The following EML6 variants were observed in gnomAD, a reference collection of about 807,000 sequenced individuals.
The protein encoded by EML6 is echinoderm microtubule-associated protein-like 6.
Under a neutral mutation model 240.1 loss-of-function variants are expected in EML6, and 154 were observed. That is an observed-to-expected ratio of 0.64 (90% confidence interval 0.56 to 0.73). EML6 has a LOEUF of 0.73. EML6 is among the 30% of genes least tolerant of loss of function. The pLI, the probability that EML6 is intolerant of heterozygous loss-of-function variation, is 0.00. For synonymous variants in EML6, 1,148 were observed against 899.0 expected, an observed-to-expected ratio of 1.28 and a Z score of -4.95; for missense variants, 2,964 against 2,474.6, an observed-to-expected ratio of 1.20 and a Z score of -4.20.
Position 54,958,042 on chromosome 2 carries a change from C to CTGGGCA in EML6, c.4695+63_4695+68dup, listed in dbSNP as rs779810453. On this transcript the variant is annotated intron_variant, in intron 33 of 41. Coordinates refer to ENST00000356458, the MANE Select transcript of EML6 (RefSeq NM_001039753.4). ...TCCCTGAGAAGGGGACCCAGACCCC[C>CTGGGCA]TGGGCATGGGCATGGGCATGGGCAG... 908 of 1,501,166 alleles carry CTGGGCA rather than the reference C, an allele frequency of 6.0e-4. 10 individuals carry two copies. The South Asian group carries it at 7.3e-3, about 12-fold the overall frequency. 93.0% of individuals were successfully genotyped at this position (1,501,166 alleles called of 1,614,324 possible).
chr2:54,790,169 G>A (rs899798174), intron 2 of EML6, among the ~76,000 whole-genome samples: 1 of 152,214 alleles, frequency 6.6e-6, no homozygotes, highest in African/African-American at 2.4e-5. Flanking sequence ...TTTTATAAGA[G>A]AGATTGAATA....
intron 2 of EML6, among the ~76,000 whole-genome samples, chr2:54,777,012 C>G (rs570173227): frequency 6.6e-6 from 1 of 151,912 alleles, no homozygotes; most frequent in Non-Finnish European, 1.5e-5. Flanking sequence ...TATTTTATTC[C>G]GTTTCATTAG....
chr2:54,804,755 A>G (rs767307157), intron 2 of EML6, among the ~76,000 whole-genome samples: 8 of 152,212 alleles, frequency 5.3e-5, no homozygotes, highest in Non-Finnish European at 1.0e-4. Context: ...CTACTTTTCA[A>G]AGGAACACTT....
intron 28 of EML6, among the ~76,000 whole-genome samples, chr2:54,940,728 G>A (rs111945580): frequency 1.3e-5 from 2 of 152,206 alleles, no homozygotes; most frequent in African/African-American, 4.8e-5. Context: ...GTCTTTGTGG[G>A]AAATGATGTG....
At chr2:54,731,245 A>G (rs921854111) in intron 2 of EML6, among the ~76,000 whole-genome samples, 13 of 152,190 alleles carry the variant, frequency 8.5e-5, no homozygotes, top group African/African-American at 2.9e-4. Flanking sequence ...TTAATGCCTC[A>G]TGGGTTTTGG....
intron 2 of EML6, among the ~76,000 whole-genome samples, chr2:54,736,766 T>C (rs1683414284): frequency 6.6e-6 from 1 of 152,184 alleles, no homozygotes; most frequent in South Asian, 2.1e-4. Context: ...TTACCTCCCC[T>C]GCCCTTTGCC....
chr2:54,964,949 AAG>A lies in EML6; in HGVS notation c.5493+219_5493+220del, dbSNP rs1431369464. ...GGAGGAAATAGAATTTAAAATAATAAAGAGTAAGAAAAACAGGAAACACAAGC... is the reference window on the plus strand; with the variant it reads ...GGAGGAAATAGAATTTAAAATAATAAAGTAAGAAAAACAGGAAACACAAGC... On this transcript the variant is annotated intron_variant, in intron 38 of 41. Coordinates refer to ENST00000356458, the MANE Select transcript of EML6 (RefSeq NM_001039753.4). Among the ~76,000 whole-genome samples, 4 of 152,358 alleles carry A rather than the reference AAG, an allele frequency of 2.6e-5. No homozygotes were observed. In the South Asian group the frequency reaches 8.3e-4, roughly 32 times the overall value.
chr2:54,858,204 C>T (rs995288508), intron 11 of EML6, among the ~76,000 whole-genome samples: 4 of 152,184 alleles, frequency 2.6e-5, no homozygotes, highest in African/African-American at 9.7e-5. Context: ...TGAGCCTCTC[C>T]ATAGATTGCT....
intron 24 of EML6, among the ~76,000 whole-genome samples, chr2:54,905,208 C>G (rs539430743): frequency 2.0e-5 from 3 of 151,844 alleles, no homozygotes; most frequent in Non-Finnish European, 1.5e-5. Context: ...GCTTCTCAGA[C>G]CCTTCTTTGA....
chr2:54,937,000 C>T (rs560650002), intron 28 of EML6, among the ~76,000 whole-genome samples: 5 of 146,626 alleles, frequency 3.4e-5, no homozygotes, highest in Non-Finnish European at 7.4e-5. Flanking sequence ...AAAGTCTGGG[C>T]CGGGCACAGT....
intron 2 of EML6, among the ~76,000 whole-genome samples, chr2:54,759,157 AAC>A (rs1430164190): frequency 6.6e-6 from 1 of 150,748 alleles, no homozygotes; most frequent in Non-Finnish European, 1.5e-5. Flanking sequence ...ACAGCTGTGT[AAC>A]AGTCTGTTGT....
At chr2:54,847,740 G>GGC in intron 9 of EML6, 117 bp downstream of exon 9, 1 of 1,027,370 alleles carries the variant, frequency 9.7e-7, no homozygotes, top group Non-Finnish European at 1.4e-6. Flanking sequence ...ATTCAAATAG[G>GGC]AATACTATAG....
chr2:54,862,338 T>TAA (rs35834327), intron 12 of EML6, among the ~76,000 whole-genome samples: 3,530 of 37,716 alleles, frequency 0.094, 589 homozygotes, highest in African/African-American at 0.15. Flanking sequence ...ACTCCATCTC[T>TAA]AAAAAAAAAA....
Position 54,957,989 on chromosome 2 carries a change from C to T in EML6, c.4686C>T (p.Ala1562=), listed in dbSNP as rs1676312549. Residue 1562 remains alanine (A), a synonymous_variant, in exon 33 of 42, where the codon GCC becomes GCT. Transcript: ENST00000356458. ...AAATGCAGACGATGCTCTCCGTGGC[C>T]TTCGGTGCTGTGAGTTCTAGCAGAT... ...AAKMQTMLSV[A]FGANNLTFTG... 9 of 1,550,086 alleles carry T rather than the reference C, an allele frequency of 5.8e-6. No individual in the cohort carries two copies. Among genetic ancestry groups the T allele is most frequent in the Non-Finnish European group, 7.0e-6 (8 of 1,145,910 alleles).
intron 15 of EML6, among the ~76,000 whole-genome samples, chr2:54,870,884 C>G (rs1189519233): frequency 6.6e-6 from 1 of 152,116 alleles, no homozygotes; most frequent in Non-Finnish European, 1.5e-5. Flanking sequence ...TTAAAGTCAT[C>G]ACACCCAACA....
At chr2:54,886,105 A>G (rs539381536) in intron 17 of EML6, among the ~76,000 whole-genome samples, 1 of 150,850 alleles carries the variant, frequency 6.6e-6, no homozygotes, top group South Asian at 2.1e-4. Flanking sequence ...AACTGTGACA[A>G]TGATCAGCAT....
At chr2:54,878,446 C>T (rs192530382) in intron 16 of EML6, among the ~76,000 whole-genome samples, 1 of 152,300 alleles carries the variant, frequency 6.6e-6, no homozygotes, top group East Asian at 1.9e-4. Flanking sequence ...AGAGATGGTT[C>T]TGTGTTGAAT....
intron 7 of EML6, among the ~76,000 whole-genome samples, chr2:54,831,332 T>A (rs1668858383): frequency 6.6e-6 from 1 of 152,198 alleles, no homozygotes; most frequent in Non-Finnish European, 1.5e-5. Flanking sequence ...GGGGATCAGC[T>A]AAGAAGCCAT....
chr2:54,851,824 A>G (rs1670106447), intron 10 of EML6, among the ~76,000 whole-genome samples: 1 of 152,232 alleles, frequency 6.6e-6, no homozygotes, highest in Non-Finnish European at 1.5e-5. Flanking sequence ...ACAATTCTGC[A>G]GCAGGGTTAG....
Sources: allele counts gnomAD v4.1 joint callset (sites outside exome capture counted in the v4.1 genomes callset), GRCh38; gene constraint gnomAD v4.1.1; transcripts MANE v1.5; gene names NCBI Gene and HGNC (gene_info 2026-07-23, HGNC 2026-07-21).